MYLK4: variants seen among roughly 807,000 people sequenced by gnomAD.
MYLK4 encodes the protein caMLCK like.
MYLK4 carries 46 observed loss-of-function variants against 48.1 expected under a neutral mutation model. The ratio of observed to expected loss-of-function variants is 0.96; its 90% CI spans 0.75 to 1.22. MYLK4 has a LOEUF of 1.22. MYLK4 is among the 50% of genes most tolerant of loss of function. The pLI is 0.00. For missense variants in MYLK4, 451 were observed against 486.1 expected (o/e 0.93, Z 0.68); for synonymous variants, 170 against 180.8 (o/e 0.94, Z 0.48).
intron 2 of MYLK4, among the ~76,000 whole-genome samples, chr6:2,719,488 T>A (rs112090451): frequency 6.6e-6 from 1 of 152,226 alleles, no homozygotes; most frequent in South Asian, 2.1e-4. Context: ...AGTAACTTCC[T>A]ACCCAGCTAC....
chr6:2,737,898 GC>G (rs1763737936), intron 2 of MYLK4, among the ~76,000 whole-genome samples: 2 of 100,490 alleles, frequency 2.0e-5, no homozygotes, highest in Admixed American at 2.6e-4. Context: ...TGTTCATGTA[GC>G]TTTTTTTTTT....
At chr6:2,732,197 A>T (rs926780255) in intron 2 of MYLK4, among the ~76,000 whole-genome samples, 2 of 152,164 alleles carry the variant, frequency 1.3e-5, no homozygotes, top group Non-Finnish European at 2.9e-5. Context: ...TGATGGTAAC[A>T]ATACCATTAA....
chr6:2,769,409 TAAAA>T, the MYLK4 span, among the ~76,000 whole-genome samples: 4 of 151,590 alleles, frequency 2.6e-5, no homozygotes, highest in African/African-American at 9.7e-5. Flanking sequence ...CTTAGGGATT[TAAAA>T]AAAAATAAAC....
At chr6:2,729,344 G>A (rs943862668) in intron 2 of MYLK4, among the ~76,000 whole-genome samples, 2 of 152,228 alleles carry the variant, frequency 1.3e-5, no homozygotes, top group South Asian at 4.1e-4. Flanking sequence ...GCAAGCACAT[G>A]GGGTAAAACA....
At chr6:2,677,839 A>G (rs1309504005) in intron 10 of MYLK4, among the ~76,000 whole-genome samples, 1 of 152,220 alleles carries the variant, frequency 6.6e-6, no homozygotes, top group African/African-American at 2.4e-5. Context: ...GATCTGGCCC[A>G]CAGTAGTTTC....
At position 2,678,213 on chromosome 6, in the gene MYLK4, G is replaced by C. The variant is rs2113107268; in HGVS notation, c.1040+7C>G. The C allele has an allele frequency of 6.2e-7, 1 of 1,613,632 alleles. No homozygotes were observed. The highest frequency in any genetic ancestry group is 1.3e-5 in the African/African-American group (1 of 75,016). ...TGCGCCCGGAGCACAGGACGAACTT[G>C]CGTTACCTCTTCTCCTTAATCAGAA... On this transcript the variant is annotated splice_region_variant and intron_variant, in intron 10 of 12. Coordinates refer to ENST00000274643, the MANE Select transcript of MYLK4 (RefSeq NM_001012418.5).
At chr6:2,686,132 C>T (rs1055601873) in intron 4 of MYLK4, among the ~76,000 whole-genome samples, 5 of 151,740 alleles carry the variant, frequency 3.3e-5, no homozygotes, top group African/African-American at 1.2e-4. Context: ...CTGGGCCCTA[C>T]CCCAGACCTC....
At position 2,673,333 on chromosome 6, in the gene MYLK4, A is replaced by G. The variant is rs1561828845; in HGVS notation, c.1119+1714T>C. On this transcript the variant is annotated intron_variant, in intron 11 of 12. Transcript: ENST00000274643. The surrounding 1 kb of genome is among the most constrained non-coding windows in gnomAD (Gnocchi z 4.2). ...CTATTTTTACTTGACATCAGTACCA[A>G]TTATCAAGGAAAGGTATATTCAGAC... is the stretch of plus-strand genomic sequence containing the variant. 6.6e-6 allele frequency among the ~76,000 whole-genome samples: 1 copy of G among 152,230 alleles called. No individual in the cohort carries two copies. The highest frequency in any genetic ancestry group is 6.5e-5 in the Admixed American group (1 of 15,288).
intron 2 of MYLK4, among the ~76,000 whole-genome samples, chr6:2,705,763 A>G (rs1762465633): frequency 6.6e-6 from 1 of 152,188 alleles, no homozygotes; most frequent in African/African-American, 2.4e-5. Context: ...ACGGGAATGG[A>G]AGGAGTTTGC....
chr6:2,717,532 C>T (rs556315190), intron 2 of MYLK4, among the ~76,000 whole-genome samples: 2 of 152,282 alleles, frequency 1.3e-5, no homozygotes, highest in East Asian at 1.9e-4. Flanking sequence ...GTCACATTTC[C>T]CTGGCTCTCC....
rs569183695 is a variant in MYLK4, at chr6:2,724,274, G to T, written c.159+24862C>A. Among the ~76,000 whole-genome samples, 12 of 152,284 alleles carry T rather than the reference G, an allele frequency of 7.9e-5. 1 individual carries two copies. In the South Asian group the frequency reaches 2.5e-3, roughly 32 times the overall value. On this transcript the variant is annotated intron_variant, in intron 2 of 12. Coordinates refer to ENST00000274643, the MANE Select transcript of MYLK4 (RefSeq NM_001012418.5). ...TAGAGGACTTTCCAGTGACTGCTTA[G>T]TCATTGTCACCAAAAACCCATGTCT... is the stretch of plus-strand genomic sequence containing the variant.
intron 2 of MYLK4, among the ~76,000 whole-genome samples, chr6:2,713,150 C>T (rs1762736145): frequency 6.6e-6 from 1 of 152,058 alleles, no homozygotes; most frequent in Admixed American, 6.5e-5. Flanking sequence ...GTGGGTGGAT[C>T]CCCTGAGGTC....
rs567553531 is a variant in MYLK4 at position 2,732,845 on chromosome 6, C to T, written c.159+16291G>A. 1.7e-4 allele frequency among the ~76,000 whole-genome samples: 26 copies of T among 152,354 alleles called. No homozygotes were observed. The South Asian group carries it at 2.7e-3, about 16-fold the overall frequency. On this transcript the variant is annotated intron_variant, in intron 2 of 12. Transcript: ENST00000274643. The stretch of plus-strand genomic sequence containing the variant: ...CACAGAGAGTTTGGGCTTCACTCCA[C>T]CTAGCCCTGGCTGTTCCTTCCAAAC...
chr6:2,678,065 T>G (rs1761146196), intron 10 of MYLK4, among the ~76,000 whole-genome samples, 155 bp downstream of exon 10: 1 of 152,204 alleles, frequency 6.6e-6, no homozygotes, highest in African/African-American at 2.4e-5. Context: ...CAGATCTCAG[T>G]AGACTGGGTC....
chr6:2,766,298 C>T, the MYLK4 span: 44 of 1,606,830 alleles, frequency 2.7e-5, no homozygotes, highest in East Asian at 3.4e-4. Flanking sequence ...ACAGGGCAAG[C>T]CGCTGGCCGA....
Position 2,667,519 on chromosome 6 carries a change from A to T in MYLK4, c.*406T>A, listed in dbSNP as rs1385007584. On this transcript the variant is annotated 3_prime_UTR_variant, in exon 13 of 13. Coordinates refer to ENST00000274643, the MANE Select transcript of MYLK4 (RefSeq NM_001012418.5). ...GCTGGAAGTAGCTTTCTCCCTCTAA[A>T]TGCATCCTCCAGTTTTAAAATCTCC... 1 of 152,294 alleles carries T rather than the reference A, an allele frequency of 6.6e-6. No individual in the cohort carries two copies. The highest frequency in any genetic ancestry group is 1.5e-5 in the Non-Finnish European group (1 of 68,028). The allele number at this position is 152,294 out of a possible 1,614,324, so 9.4% of individuals were successfully genotyped here.
At chr6:2,740,434 G>A (rs1763859688) in intron 2 of MYLK4, among the ~76,000 whole-genome samples, 1 of 152,162 alleles carries the variant, frequency 6.6e-6, no homozygotes, top group Admixed American at 6.5e-5. Flanking sequence ...AATGCCAGGG[G>A]GATAGTCACT....
In MYLK4 at chr6:2,683,210, C is replaced by A. The variant is rs372247334; in HGVS notation, c.546-48G>T. 137 of 1,607,388 alleles carry A rather than the reference C, an allele frequency of 8.5e-5. No homozygotes were observed. In the African/African-American group the frequency reaches 1.2e-3, roughly 14 times the overall value. The stretch of plus-strand genomic sequence containing the variant: ...ACCCTCAGTCCCGATTTCCTTACCA[C>A]CATGTGCTTTTCTCGTAGTGACTTG... On this transcript the variant is annotated intron_variant, in intron 6 of 12. Coordinates refer to ENST00000274643, the MANE Select transcript of MYLK4 (RefSeq NM_001012418.5).
At chr6:2,704,993 A>G (rs4142287) in intron 2 of MYLK4, among the ~76,000 whole-genome samples, 130,774 of 152,234 alleles carry the variant, frequency 0.86, 56,256 homozygotes, top group Admixed American at 0.89. Flanking sequence ...ATCCTCAGAA[A>G]CTTTATATGG....
Sources: allele counts gnomAD v4.1 joint callset (sites outside exome capture counted in the v4.1 genomes callset), GRCh38; gene constraint gnomAD v4.1.1; non-coding constraint Gnocchi (gnomAD v3.1); transcripts MANE v1.5; gene names NCBI Gene and HGNC (gene_info 2026-07-23, HGNC 2026-07-21).